Variants in GRM1 observed in about 807,000 individuals in gnomAD.
GRM1 encodes glutamate metabotropic receptor 1.
A neutral mutation model predicts 90.9 loss-of-function variants in GRM1; 33 were observed. The observed-to-expected ratio is 0.36, with a 90% CI of 0.28 to 0.49. GRM1 has a LOEUF of 0.49. GRM1 is among the 20% of genes least tolerant of loss of function. The pLI is 0.99. For synonymous variants in GRM1, 700 were observed against 613.2 expected (o/e 1.14, Z -2.09); for missense variants, 1,190 against 1,534.3 (o/e 0.78, Z 3.75).
chr6:146,203,076 C>A (rs1275976406), intron 2 of GRM1, among the ~76,000 whole-genome samples: 1 of 151,894 alleles, frequency 6.6e-6, no homozygotes, highest in East Asian at 1.9e-4. Context: ...CGCCTGTAGT[C>A]CCAGCTACTG....
At chr6:146,381,837 C>A (rs1484837609) in intron 5 of GRM1, among the ~76,000 whole-genome samples, 1 of 152,086 alleles carries the variant, frequency 6.6e-6, no homozygotes, top group East Asian at 1.9e-4. Context: ...ATTATGTTCT[C>A]TTGATGCTGT....
intron 2 of GRM1, among the ~76,000 whole-genome samples, chr6:146,283,654 A>G (rs1017125368): frequency 6.6e-6 from 1 of 152,220 alleles, no homozygotes; most frequent in African/African-American, 2.4e-5. Flanking sequence ...TACGACAGGT[A>G]TAGTTCCAGG....
intron 3 of GRM1, among the ~76,000 whole-genome samples, chr6:146,317,704 T>C (rs889177042): frequency 3.3e-5 from 5 of 152,234 alleles, no homozygotes; most frequent in African/African-American, 1.2e-4. Flanking sequence ...ATAGAACAGC[T>C]TCTATCTGGA....
intron 1 of GRM1, among the ~76,000 whole-genome samples, chr6:146,090,868 C>A (rs371695788): frequency 1.3e-5 from 2 of 152,024 alleles, no homozygotes; most frequent in Non-Finnish European, 2.9e-5. Flanking sequence ...AATCCCTGAA[C>A]CTTTAAGTTA....
chr6:146,090,762 T>C (rs780348465), intron 1 of GRM1, among the ~76,000 whole-genome samples: 2 of 152,042 alleles, frequency 1.3e-5, no homozygotes, highest in African/African-American at 2.4e-5. Context: ...CCCAGGTGGC[T>C]TAAGGTTACC....
intron 2 of GRM1, among the ~76,000 whole-genome samples, chr6:146,252,300 T>G (rs748985552): frequency 6.6e-6 from 1 of 152,138 alleles, no homozygotes; most frequent in Non-Finnish European, 1.5e-5. Context: ...TGAAAAATAT[T>G]TGGGGAGACT....
intron 5 of GRM1, among the ~76,000 whole-genome samples, chr6:146,371,330 T>A (rs2115093629): frequency 6.6e-6 from 1 of 152,196 alleles, no homozygotes; most frequent in East Asian, 1.9e-4. Flanking sequence ...ATTTTAATTT[T>A]TAATTTTTAT....
intron 2 of GRM1, among the ~76,000 whole-genome samples, chr6:146,234,251 G>T (rs1258788961): frequency 2.0e-5 from 3 of 151,782 alleles, no homozygotes; most frequent in African/African-American, 7.3e-5. Flanking sequence ...CTTTCAGGTA[G>T]CATATAACAG....
intron 2 of GRM1, among the ~76,000 whole-genome samples, chr6:146,240,907 C>T (rs1200847860): frequency 6.6e-6 from 1 of 152,040 alleles, no homozygotes; most frequent in Non-Finnish European, 1.5e-5. Context: ...GGCAATGAAA[C>T]CAAAACTTGA....
At position 146,280,961 on chromosome 6, in the gene GRM1, A is replaced by G. The variant is rs184633725; in HGVS notation, c.951-23650A>G. Among the ~76,000 whole-genome samples, 4 of 151,866 alleles carry G rather than the reference A, an allele frequency of 2.6e-5. No homozygotes were observed. The East Asian group carries it at 7.8e-4, about 29-fold the overall frequency. On this transcript the variant is annotated intron_variant, in intron 2 of 7. Transcript: ENST00000282753. ...TTTATGTCTTCATTTTTTAATACCA[A>G]CCTCACCCATCCTTTCTTTTCTTGC...
chr6:146,327,534 T>G (rs1371654183), intron 3 of GRM1, among the ~76,000 whole-genome samples: 2 of 152,180 alleles, frequency 1.3e-5, no homozygotes, highest in Admixed American at 6.6e-5. Context: ...CGTAACATAC[T>G]TTTATGTAAA....
At chr6:146,056,656 T>C (rs2128851630) in intron 1 of GRM1, among the ~76,000 whole-genome samples, 1 of 152,244 alleles carries the variant, frequency 6.6e-6, no homozygotes, top group South Asian at 2.1e-4. Flanking sequence ...AAGTGATATG[T>C]AATTGAGTAG....
chr6:146,258,908 A>G (rs1004588471), intron 2 of GRM1, among the ~76,000 whole-genome samples: 8 of 152,168 alleles, frequency 5.3e-5, no homozygotes, highest in African/African-American at 9.7e-5. Flanking sequence ...ATCTTGTTCA[A>G]TGCATTGAAA....
chr6:146,157,908 A>T (rs1210991854), intron 1 of GRM1, among the ~76,000 whole-genome samples: 1 of 152,094 alleles, frequency 6.6e-6, no homozygotes. Context: ...CAAAATGGGG[A>T]GTGGGAATGG....
intron 2 of GRM1, among the ~76,000 whole-genome samples, chr6:146,279,406 A>G (rs961563588): frequency 6.6e-6 from 1 of 152,136 alleles, no homozygotes; most frequent in Non-Finnish European, 1.5e-5. Flanking sequence ...GTTGAAACAC[A>G]TTAATTTTAA....
At chr6:146,213,196 A>C (rs1193086462) in intron 2 of GRM1, among the ~76,000 whole-genome samples, 1 of 152,174 alleles carries the variant, frequency 6.6e-6, no homozygotes, top group Non-Finnish European at 1.5e-5. Flanking sequence ...AAGCACATGC[A>C]TGAAAGATAA....
chr6:146,225,114 C>T (rs1324861573), intron 2 of GRM1, among the ~76,000 whole-genome samples: 5 of 152,124 alleles, frequency 3.3e-5, no homozygotes, highest in Non-Finnish European at 7.4e-5. Flanking sequence ...GAAAATTTCT[C>T]AGCCTTGTTT....
In GRM1 at chr6:146,358,177, A is replaced by G. The variant is rs184951584; in HGVS notation, c.1602+483A>G. Among the ~76,000 whole-genome samples the G allele has an allele frequency of 1.7e-4, 26 of 152,172 alleles. No individual in the cohort carries two copies. The East Asian group carries it at 4.6e-3, about 27-fold the overall frequency. On this transcript the variant is annotated intron_variant, in intron 5 of 7. Transcript: ENST00000282753. ...GTCCTTTGATTCTTTTGAAACTGGC[A>G]TTTTTTTCTACAAAAGACAGCGTCC... is the stretch of plus-strand genomic sequence containing the variant.
chr6:146,261,562 T>G (rs1408002592), intron 2 of GRM1, among the ~76,000 whole-genome samples: 2 of 152,208 alleles, frequency 1.3e-5, no homozygotes, highest in Non-Finnish European at 2.9e-5. Flanking sequence ...AAATCTTCAT[T>G]AATTTAACAT....
Sources: allele counts gnomAD v4.1 joint callset (sites outside exome capture counted in the v4.1 genomes callset), GRCh38; gene constraint gnomAD v4.1.1; transcripts MANE v1.5; gene names NCBI Gene and HGNC (gene_info 2026-07-23, HGNC 2026-07-21).